DAB1: variants seen among roughly 807,000 people sequenced by gnomAD.
DAB1 encodes disabled homolog 1.
In DAB1, 15 loss-of-function variants were observed where a neutral mutation model predicts 64.6. That is an observed-to-expected ratio of 0.23 (90% CI 0.16 to 0.36). DAB1 has a LOEUF of 0.36. Ranked by LOEUF, DAB1 falls within the 10% of genes least tolerant of loss-of-function variation. DAB1 has a pLI of 1.00. For synonymous variants in DAB1, 235 were observed against 251.9 expected, an observed-to-expected ratio of 0.93 and a Z score of 0.64; for missense variants, 596 against 706.7, an observed-to-expected ratio of 0.84 and a Z score of 1.78.
intron 7 of DAB1, among the ~76,000 whole-genome samples, chr1:57,550,009 G>C (rs1276913984): frequency 6.6e-6 from 1 of 152,144 alleles, no homozygotes; most frequent in African/African-American, 2.4e-5. Context: ...CAAATGAGTT[G>C]TGTCCTCAAT....
chr1:57,057,868 A>G (rs551817969), intron 9 of DAB1, among the ~76,000 whole-genome samples: 9 of 152,196 alleles, frequency 5.9e-5, no homozygotes, highest in South Asian at 2.1e-4. Context: ...TTGGCCTCCC[A>G]AAGTGCTGGG....
intron 7 of DAB1, among the ~76,000 whole-genome samples, chr1:57,569,362 A>G (rs11207066): frequency 0.41 from 61,969 of 151,296 alleles, 14,330 homozygotes; most frequent in Non-Finnish European, 0.53. Flanking sequence ...GATAGACTGG[A>G]TTAAGAAAAT....
intron 4 of DAB1, among the ~76,000 whole-genome samples, chr1:57,084,689 C>A (rs1483365399): frequency 6.6e-6 from 1 of 152,202 alleles, no homozygotes; most frequent in Non-Finnish European, 1.5e-5. Flanking sequence ...TGATCCCTTC[C>A]AGCTCTGCTC....
At chr1:58,289,781 G>C (rs903790349) in intron 4 of DAB1, among the ~76,000 whole-genome samples, 1 of 152,284 alleles carries the variant, frequency 6.6e-6, no homozygotes, top group Admixed American at 6.5e-5. Context: ...TTCATGGCTT[G>C]TGTGAATTAT....
chr1:57,609,492 G>A (rs925686108), intron 7 of DAB1, among the ~76,000 whole-genome samples: 6 of 152,064 alleles, frequency 3.9e-5, no homozygotes, highest in African/African-American at 1.4e-4. Flanking sequence ...TCCTCGAGAC[G>A]AATTCCCCCA....
chr1:57,373,723 G>A (rs1011739474), intron 1 of DAB1, among the ~76,000 whole-genome samples: 1 of 152,116 alleles, frequency 6.6e-6, no homozygotes, highest in Non-Finnish European at 1.5e-5. Flanking sequence ...GCAAATTCTG[G>A]TCCAAGCAGA....
chr1:57,310,917 G>A (rs1164991707), intron 1 of DAB1, among the ~76,000 whole-genome samples: 1 of 152,000 alleles, frequency 6.6e-6, no homozygotes, highest in African/African-American at 2.4e-5. Context: ...GAGTGTGTGA[G>A]CCTAGGAATT....
intron 5 of DAB1, among the ~76,000 whole-genome samples, chr1:58,036,764 T>C (rs1309646566): frequency 6.6e-6 from 1 of 152,054 alleles, no homozygotes; most frequent in Non-Finnish European, 1.5e-5. Flanking sequence ...GCCAGACATG[T>C]GGAGACTTGG....
At chr1:57,255,708 C>T (rs1474846033) in intron 2 of DAB1, among the ~76,000 whole-genome samples, 1 of 152,080 alleles carries the variant, frequency 6.6e-6, no homozygotes, top group East Asian at 1.9e-4. Flanking sequence ...GAATATTCTA[C>T]CTTCTTACGG....
intron 4 of DAB1, among the ~76,000 whole-genome samples, chr1:58,236,712 T>C (rs547394828): frequency 6.6e-6 from 1 of 152,338 alleles, no homozygotes; most frequent in African/African-American, 2.4e-5. Flanking sequence ...CCCAGTTCTA[T>C]AGAGAACGGC....
intron 7 of DAB1, among the ~76,000 whole-genome samples, chr1:57,557,979 A>G (rs542790837): frequency 1.3e-5 from 2 of 151,954 alleles, no homozygotes; most frequent in African/African-American, 4.8e-5. Flanking sequence ...GAAATTGTGG[A>G]AAAACAGACA....
At chr1:57,669,583 A>G (rs1646487180) in intron 6 of DAB1, among the ~76,000 whole-genome samples, 1 of 152,186 alleles carries the variant, frequency 6.6e-6, no homozygotes, top group Non-Finnish European at 1.5e-5. Context: ...ACAGCAGGAC[A>G]GCTGCCCAGC....
At chr1:57,960,434 A>G (rs2100269704) in intron 5 of DAB1, among the ~76,000 whole-genome samples, 1 of 152,204 alleles carries the variant, frequency 6.6e-6, no homozygotes, top group Non-Finnish European at 1.5e-5. Flanking sequence ...AATACAGGAA[A>G]ATTTCCTTTA....
rs886181970 is a variant in DAB1 at position 57,015,337 on chromosome 1, A to C, written c.990T>G (p.Ala330=). 6.2e-7 allele frequency: 1 copy of C among 1,613,896 alleles called. No homozygotes were observed. Among genetic ancestry groups the C allele is most frequent in the African/African-American group, 1.3e-5 (1 of 74,918 alleles). ...TGGGCTGAGCCCCCGGCATCACCTGAGCGACTGGTGGCTGGGCACCCATGA... is the reference window on the plus strand; with the variant it reads ...TGGGCTGAGCCCCCGGCATCACCTGCGCGACTGGTGGCTGGGCACCCATGA... The part of the protein sequence containing the change: ...QMVMGAQPPV[A]QVMPGAQPIA... Residue 330 remains alanine (A), a synonymous_variant, in exon 12 of 15, where the codon GCT becomes GCG. Coordinates refer to ENST00000371236, the MANE Select transcript of DAB1 (RefSeq NM_001365792.1).
intron 7 of DAB1, among the ~76,000 whole-genome samples, chr1:57,613,980 A>G (rs1197451931): frequency 1.3e-5 from 2 of 152,198 alleles, no homozygotes; most frequent in African/African-American, 2.4e-5. Flanking sequence ...AAATACCTGT[A>G]TATCGGTAGC....
At chr1:57,196,645 C>T (rs1027790624) in intron 2 of DAB1, among the ~76,000 whole-genome samples, 2 of 152,242 alleles carry the variant, frequency 1.3e-5, no homozygotes, top group African/African-American at 4.8e-5. Flanking sequence ...GGGTCAACCA[C>T]ACTAAGTGGC....
At chr1:58,363,504 G>A (rs1228079238) in intron 3 of DAB1, among the ~76,000 whole-genome samples, 3 of 152,196 alleles carry the variant, frequency 2.0e-5, no homozygotes, top group African/African-American at 4.8e-5. Flanking sequence ...GGCCAATTCT[G>A]CAAACTCAGT....
intron 2 of DAB1, among the ~76,000 whole-genome samples, chr1:58,519,949 A>G (rs1301181752): frequency 6.7e-6 from 1 of 150,106 alleles, no homozygotes; most frequent in Non-Finnish European, 1.5e-5. Flanking sequence ...ATGAACTTCA[A>G]GATAGGTAGT....
At chr1:58,315,878 A>C (rs988863640) in intron 4 of DAB1, among the ~76,000 whole-genome samples, 3 of 152,202 alleles carry the variant, frequency 2.0e-5, no homozygotes, top group African/African-American at 7.2e-5. Flanking sequence ...TATCTAAGTA[A>C]ATCTGAAATG....
Sources: gnomAD v4.1 joint callset for allele counts (sites outside exome capture counted in the v4.1 genomes callset) on GRCh38, gnomAD v4.1.1 for gene constraint, MANE v1.5 for transcripts, NCBI Gene and HGNC (gene_info 2026-07-23, HGNC 2026-07-21) for gene names.